Variants in DLC1 observed in about 807,000 individuals in gnomAD.
DLC1 encodes the protein rho GTPase-activating protein 7.
In DLC1, 54 loss-of-function variants were observed where a neutral mutation model predicts 140.3. The ratio of observed to expected loss-of-function variants is 0.38; its 90% CI spans 0.31 to 0.48. The LOEUF is 0.48. DLC1 is among the 20% of genes least tolerant of loss of function. The pLI is 0.96. For synonymous variants in DLC1, 986 were observed against 728.1 expected (o/e 1.35, Z -5.70); for missense variants, 2,536 against 1,907.0 (o/e 1.33, Z -6.14).
chr8:13,097,559 C>T (rs967854175), intron 10 of DLC1, among the ~76,000 whole-genome samples: 17 of 152,018 alleles, frequency 1.1e-4, no homozygotes, highest in African/African-American at 3.1e-4. Context: ...CCACCACACC[C>T]GCCCCAAAAT....
At chr8:13,397,405 C>G (rs13280383) in intron 3 of DLC1, among the ~76,000 whole-genome samples, 56,086 of 151,934 alleles carry the variant, frequency 0.37, 11,644 homozygotes, top group Non-Finnish European at 0.47. Flanking sequence ...GCCAGGAGAG[C>G]AGTGAAAGTC....
chr8:13,165,770 TTC>T (rs1825064498), intron 5 of DLC1, among the ~76,000 whole-genome samples: 1 of 152,176 alleles, frequency 6.6e-6, no homozygotes, highest in Non-Finnish European at 1.5e-5. Flanking sequence ...GTGGCAATGA[TTC>T]TCTTTCCACT....
chr8:13,340,660 C>G (rs1317459217), intron 4 of DLC1: 1 of 152,166 alleles, frequency 6.6e-6, no homozygotes, highest in African/African-American at 2.4e-5. Context: ...GGATGTTTGA[C>G]TAGCTGATTC....
At chr8:13,410,140 T>G (rs2117292675) in intron 2 of DLC1, among the ~76,000 whole-genome samples, 1 of 152,196 alleles carries the variant, frequency 6.6e-6, no homozygotes, top group South Asian at 2.1e-4. Context: ...CATTTCAAAC[T>G]GATTTGAAAT....
At chr8:13,130,345 A>G (rs779361195) in intron 5 of DLC1, among the ~76,000 whole-genome samples, 95 of 152,282 alleles carry the variant, frequency 6.2e-4, no homozygotes, top group Non-Finnish European at 6.9e-4. Context: ...TACTATATAC[A>G]TTTTTAAACT....
intron 2 of DLC1, among the ~76,000 whole-genome samples, chr8:13,420,702 A>G (rs984035515): frequency 2.0e-5 from 3 of 152,136 alleles, no homozygotes; most frequent in Admixed American, 1.3e-4. Flanking sequence ...GATGGCTTCC[A>G]GCTTCATCCA....
chr8:13,351,415 T>G (rs545658123), intron 4 of DLC1, among the ~76,000 whole-genome samples: 8 of 152,322 alleles, frequency 5.3e-5, no homozygotes, highest in African/African-American at 1.9e-4. Flanking sequence ...TTTTCCTATA[T>G]AATTACTTAG....
chr8:13,498,942 C>A lies in DLC1; in HGVS notation c.1023+107G>T, dbSNP rs1196562917. On this transcript the variant is annotated intron_variant, in intron 2 of 17. Transcript: ENST00000276297. ...TGAATTACACATCTGCATAACAGGGCAAAAGAACCATCTTCATATCTTTTT... is the reference window on the plus strand; with the variant it reads ...TGAATTACACATCTGCATAACAGGGAAAAAGAACCATCTTCATATCTTTTT... 7 of 1,343,124 alleles carry A rather than the reference C, an allele frequency of 5.2e-6. No individual in the cohort carries two copies. In the African/African-American group the frequency reaches 1.0e-4, roughly 20 times the overall value. The allele number at this position is 1,343,124 out of a possible 1,614,324, so 83.2% of individuals were successfully genotyped here.
At chr8:13,154,137 C>T (rs1824058659) in intron 5 of DLC1, among the ~76,000 whole-genome samples, 1 of 152,232 alleles carries the variant, frequency 6.6e-6, no homozygotes, top group African/African-American at 2.4e-5. Flanking sequence ...CATAAAGGTT[C>T]TCCAAGTCCC....
intron 1 of DLC1, among the ~76,000 whole-genome samples, chr8:13,562,152 A>T (rs1178669682): frequency 6.6e-6 from 1 of 152,144 alleles, no homozygotes; most frequent in Non-Finnish European, 1.5e-5. Flanking sequence ...GGGTCAATTT[A>T]AATAAAAAAT....
rs1563454148 is a variant in DLC1 at position 13,579,370 on chromosome 8, T to TAA, written c.-126+25165_-126+25166dup. Among the ~76,000 whole-genome samples the TAA allele has an allele frequency of 7.4e-4, 32 of 42,972 alleles. 3 individuals carry two copies. The highest frequency in any genetic ancestry group is 1.3e-3 in the African/African-American group (10 of 7,726). 28.2% of individuals were successfully genotyped at this position (42,972 alleles called of 152,430 possible). ...ATATATATATATATATATTTTTATA[T>TAA]AATACATATTTATATATTATATATT... On this transcript the variant is annotated intron_variant, in intron 1 of 1. Transcript: ENST00000631382.
chr8:13,275,104 A>C (rs1420900959), intron 5 of DLC1, among the ~76,000 whole-genome samples: 2 of 152,212 alleles, frequency 1.3e-5, no homozygotes, highest in Non-Finnish European at 2.9e-5. Context: ...GTTCGACTTG[A>C]CATTGTTTAC....
At chr8:13,244,822 A>G (rs1829692011) in intron 5 of DLC1, among the ~76,000 whole-genome samples, 1 of 152,142 alleles carries the variant, frequency 6.6e-6, no homozygotes. Context: ...TGTATGTTAT[A>G]GTATATTGTA....
chr8:13,217,795 G>A (rs918696859), intron 5 of DLC1, among the ~76,000 whole-genome samples: 3 of 151,312 alleles, frequency 2.0e-5, no homozygotes, highest in Admixed American at 6.6e-5. Context: ...CCGAGATCAC[G>A]CCACTGCACG....
chr8:13,392,185 G>T (rs905383854), intron 4 of DLC1, among the ~76,000 whole-genome samples: 1 of 152,036 alleles, frequency 6.6e-6, no homozygotes, highest in Non-Finnish European at 1.5e-5. Context: ...CCCAATATAT[G>T]CAGTATTATC....
chr8:13,221,912 TA>T (rs1044277063), intron 5 of DLC1, among the ~76,000 whole-genome samples: 44 of 135,716 alleles, frequency 3.2e-4, no homozygotes, highest in African/African-American at 7.7e-4. Flanking sequence ...AAATATATAT[TA>T]GTATATAAAA....
intron 2 of DLC1, among the ~76,000 whole-genome samples, chr8:13,411,107 C>A (rs570934080): frequency 8.5e-4 from 129 of 152,228 alleles, no homozygotes; most frequent in Non-Finnish European, 1.3e-3. Flanking sequence ...CCCATAAACA[C>A]CTGCATACAG....
chr8:13,580,466 G>A (rs1209028446), intron 1 of DLC1, among the ~76,000 whole-genome samples: 1 of 152,170 alleles, frequency 6.6e-6, no homozygotes, highest in Admixed American at 6.5e-5. Flanking sequence ...CAGCACGGTT[G>A]AAAGCACAAG....
chr8:13,089,182 C>T (rs765015809), intron 15 of DLC1, among the ~76,000 whole-genome samples: 3 of 151,548 alleles, frequency 2.0e-5, no homozygotes, highest in Non-Finnish European at 4.4e-5. Flanking sequence ...TCACTTGAAC[C>T]TAGGAGGCAC....
Sources: allele counts gnomAD v4.1 joint callset (sites outside exome capture counted in the v4.1 genomes callset), GRCh38; gene constraint gnomAD v4.1.1; transcripts MANE v1.5; gene names NCBI Gene and HGNC (gene_info 2026-07-23, HGNC 2026-07-21).